The following CDH23 variants were observed in gnomAD, a reference collection of about 807,000 sequenced individuals.
The protein encoded by CDH23 is cadherin-23.
A neutral mutation model predicts 317.1 loss-of-function variants in CDH23; 189 were observed. The ratio of observed to expected loss-of-function variants is 0.60; its 90% CI spans 0.53 to 0.67. The LOEUF (loss-of-function observed/expected upper bound fraction) is 0.67. Ranked by LOEUF, CDH23 falls within the 30% of genes least tolerant of loss-of-function variation. The pLI is 0.00. For synonymous variants in CDH23, 1,839 were observed against 1,876.8 expected (o/e 0.98, Z 0.52); for missense variants, 4,401 against 4,592.4 (o/e 0.96, Z 1.20).
At chr10:71,562,989 C>T (rs139728974) in intron 6 of CDH23, among the ~76,000 whole-genome samples, 185 of 152,304 alleles carry the variant, frequency 1.2e-3, no homozygotes, top group African/African-American at 4.1e-3. Context: ...GGTCTGAAGT[C>T]ACTTGGAACA....
rs540939945 is a variant in CDH23 at position 71,793,712 on chromosome 10, T to G, written c.6712+72T>G. 1.1e-4 allele frequency: 125 copies of G among 1,119,458 alleles called. 1 individual carries two copies. The highest frequency in any genetic ancestry group is 1.1e-3 in the Admixed American group (39 of 36,746). The allele number at this position is 1,119,458 out of a possible 1,614,324, so 69.3% of individuals were successfully genotyped here. ...TGTCTCCTCGCTCCCTGCTTCCCCCTTCTTTCTCCTTTCTCTTTCTTTGCT... is the reference window on the plus strand; with the variant it reads ...TGTCTCCTCGCTCCCTGCTTCCCCCGTCTTTCTCCTTTCTCTTTCTTTGCT... On this transcript the variant is annotated intron_variant, in intron 48 of 69. Transcript: ENST00000224721.
intron 3 of CDH23, among the ~76,000 whole-genome samples, chr10:71,472,503 A>G (rs1159727585): frequency 6.6e-6 from 1 of 152,174 alleles, no homozygotes; most frequent in African/African-American, 2.4e-5. Context: ...ACCCTCACTC[A>G]GCCCAGCTGC....
chr10:71,633,319 C>T (rs1220105777), intron 11 of CDH23, among the ~76,000 whole-genome samples: 3 of 152,158 alleles, frequency 2.0e-5, no homozygotes, highest in Non-Finnish European at 2.9e-5. Flanking sequence ...TTCTCACACT[C>T]ACACATGCAC....
At chr10:71,567,423 G>A (rs1589216498) in intron 7 of CDH23, among the ~76,000 whole-genome samples, 1 of 152,360 alleles carries the variant, frequency 6.6e-6, no homozygotes, top group South Asian at 2.1e-4. Flanking sequence ...TCCACAGAGT[G>A]GTGACATTCC....
Position 71,760,017 on chromosome 10 carries a change from A to C in CDH23, c.4846-17663A>C, listed in dbSNP as rs575658757. Among the ~76,000 whole-genome samples the C allele has an allele frequency of 7.8e-4, 84 of 107,100 alleles. 5 individuals carry two copies. Among genetic ancestry groups the C allele is most frequent in the African/African-American group, 2.7e-3 (82 of 30,936 alleles). 70.3% of individuals were successfully genotyped at this position (107,100 alleles called of 152,430 possible). A position where few individuals can be genotyped will look rare whatever the true frequency, so the allele number is the denominator to read the frequency against. ...CACACACATACATATATATACACAC[A>C]CACATATATACACACACACACATAT... On this transcript the variant is annotated intron_variant, in intron 38 of 69. Coordinates refer to ENST00000224721, the MANE Select transcript of CDH23 (RefSeq NM_022124.6).
intron 18 of CDH23, 63 bp downstream of exon 18, chr10:71,682,635 A>G: frequency 1.3e-6 from 2 of 1,589,632 alleles, no homozygotes; most frequent in Non-Finnish European, 1.7e-6. Flanking sequence ...GCTTCCTGTG[A>G]ACCCAGTACT....
chr10:71,742,348 C>T (rs1839760590), intron 38 of CDH23, among the ~76,000 whole-genome samples: 1 of 152,238 alleles, frequency 6.6e-6, no homozygotes, highest in Non-Finnish European at 1.5e-5. Flanking sequence ...CTCTGGCCCT[C>T]TTCCCCTACA....
intron 6 of CDH23, among the ~76,000 whole-genome samples, chr10:71,513,844 C>T (rs1409906668): frequency 6.6e-5 from 10 of 152,132 alleles, no homozygotes; most frequent in Admixed American, 5.2e-4. Flanking sequence ...AGCACCTTAT[C>T]GTTCTTTGCA....
chr10:71,669,284 A>T (rs1410823535), intron 14 of CDH23, among the ~76,000 whole-genome samples: 1 of 152,198 alleles, frequency 6.6e-6, no homozygotes, highest in Non-Finnish European at 1.5e-5. Context: ...ATAGACTGGC[A>T]TACACCTGCC....
chr10:71,552,871 C>T (rs16929040), intron 6 of CDH23, among the ~76,000 whole-genome samples: 7,508 of 152,210 alleles, frequency 0.049, 381 homozygotes, highest in African/African-American at 0.13. Flanking sequence ...GGGAAGCCAC[C>T]TTGCATCCAT....
At chr10:71,513,114 GC>G (rs1854085980) in intron 6 of CDH23, among the ~76,000 whole-genome samples, 4 of 152,198 alleles carry the variant, frequency 2.6e-5, no homozygotes, top group African/African-American at 9.6e-5. Context: ...GGAGCCAGCT[GC>G]AAAGGACACA....
At chr10:71,806,054 G>A (rs1332058157) in intron 56 of CDH23, 57 bp downstream of exon 56, 1 of 1,539,146 alleles carries the variant, frequency 6.5e-7, no homozygotes, top group East Asian at 2.4e-5. Flanking sequence ...TCTTCTGGGG[G>A]CGGGTCTTGC....
intron 8 of CDH23, among the ~76,000 whole-genome samples, chr10:71,576,746 G>C (rs1858231728): frequency 6.6e-6 from 1 of 152,188 alleles, no homozygotes; most frequent in Admixed American, 6.5e-5. Context: ...AGGACCTGGG[G>C]AACCAAGTAA....
At chr10:71,786,372 A>G (rs1192386033) in intron 44 of CDH23, among the ~76,000 whole-genome samples, 1 of 152,118 alleles carries the variant, frequency 6.6e-6, no homozygotes. Flanking sequence ...GGCTCAGCCA[A>G]GGCACCACTC....
chr10:71,644,173 C>T (rs1430804994), intron 12 of CDH23, among the ~76,000 whole-genome samples: 1 of 152,242 alleles, frequency 6.6e-6, no homozygotes, highest in African/African-American at 2.4e-5. Flanking sequence ...CCCAGAGGAG[C>T]CTTGCCCCCA....
At chr10:71,416,784 C>T (rs948655837) in intron 1 of CDH23, among the ~76,000 whole-genome samples, 2 of 152,124 alleles carry the variant, frequency 1.3e-5, no homozygotes, top group Non-Finnish European at 2.9e-5. Context: ...CCTCCCACCC[C>T]AGTCTCCCAA....
chr10:71,399,607 A>T (rs1847690635), intron 1 of CDH23, among the ~76,000 whole-genome samples: 1 of 152,102 alleles, frequency 6.6e-6, no homozygotes, highest in Admixed American at 6.5e-5. Flanking sequence ...TGCAGTCAAA[A>T]CTGTACATGG....
At chr10:71,798,653 G>GAGGGGCTGTGGT in intron 50 of CDH23, 75 bp downstream of exon 50, 3 of 1,189,870 alleles carry the variant, frequency 2.5e-6, no homozygotes, top group Non-Finnish European at 3.5e-6. Flanking sequence ...AGAGACCACA[G>GAGGGGCTGTGGT]CCCCTCTGTG....
intron 3 of CDH23, among the ~76,000 whole-genome samples, chr10:71,473,408 C>T (rs1223947433): frequency 6.6e-6 from 1 of 152,200 alleles, no homozygotes; most frequent in Non-Finnish European, 1.5e-5. Flanking sequence ...TGCTGATCAC[C>T]TACTGTGTGC....
Sources: gnomAD v4.1 joint callset for allele counts (sites outside exome capture counted in the v4.1 genomes callset) on GRCh38, gnomAD v4.1.1 for gene constraint, MANE v1.5 for transcripts, NCBI Gene and HGNC (gene_info 2026-07-23, HGNC 2026-07-21) for gene names.